Variants in DLK1 observed in about 807,000 individuals in gnomAD.
The protein encoded by DLK1 is delta like non-canonical Notch ligand 1.
DLK1 carries 9 observed loss-of-function variants against 35.2 expected under a neutral mutation model. The ratio of observed to expected loss-of-function variants is 0.26; its 90% CI spans 0.15 to 0.45. The LOEUF is 0.45. DLK1 is among the 20% of genes least tolerant of loss of function. The probability of loss-of-function intolerance (pLI) is 1.00; values close to 1 mark genes in which losing one functional copy is unlikely to be tolerated. For missense variants in DLK1, 522 were observed against 528.5 expected, an observed-to-expected ratio of 0.99 and a Z score of 0.12; for synonymous variants, 231 against 228.4, an observed-to-expected ratio of 1.01 and a Z score of -0.10.
chr14:100,728,296 G>C lies in DLK1; in HGVS notation c.68-100G>C, dbSNP rs1411420358. The C allele has an allele frequency of 2.3e-6, 3 of 1,311,662 alleles. No homozygotes were observed. In the African/African-American group the frequency reaches 4.3e-5, roughly 19 times the overall value. The allele number at this position is 1,311,662 out of a possible 1,614,324, so 81.3% of individuals were successfully genotyped here. A position where few individuals can be genotyped will look rare whatever the true frequency, so the allele number is the denominator to read the frequency against. On this transcript the variant is annotated intron_variant, in intron 1 of 4. Coordinates refer to ENST00000341267, the MANE Select transcript of DLK1 (RefSeq NM_003836.7). ...GCTGGTAGGACCCAAGAGGGCTGTTGGTGCCCTCGAGGGCAGTGGTGGGCT... is the reference window on the plus strand; with the variant it reads ...GCTGGTAGGACCCAAGAGGGCTGTTCGTGCCCTCGAGGGCAGTGGTGGGCT...
At chr14:100,732,575 C>G (rs1387306105) in intron 4 of DLK1, among the ~76,000 whole-genome samples, 2 of 152,166 alleles carry the variant, frequency 1.3e-5, no homozygotes, top group Admixed American at 1.3e-4. Flanking sequence ...TTTTGGGGAA[C>G]TGGTGGGCTC....
chr14:100,733,097 C>T (rs187501651), intron 4 of DLK1, among the ~76,000 whole-genome samples: 27 of 152,318 alleles, frequency 1.8e-4, no homozygotes, highest in African/African-American at 6.3e-4. Context: ...AGTCTTCAGA[C>T]GGGGTCAGAG....
chr14:100,729,168 C>G (rs2036477750), intron 3 of DLK1, 102 bp downstream of exon 3: 2 of 1,567,236 alleles, frequency 1.3e-6, no homozygotes, highest in African/African-American at 2.7e-5. Context: ...TCCTCACTTC[C>G]TCATTCCTGC....
chr14:100,728,994 C>T lies in DLK1; in HGVS notation c.190C>T (p.Leu64Phe). ...CCAGTGCGTGACCTCTCCCGGCTGCCTTCACGGACTCTGTGGAGAACCCGG... is the reference window on the plus strand; with the variant it reads ...CCAGTGCGTGACCTCTCCCGGCTGCTTTCACGGACTCTGTGGAGAACCCGG... ...CDQCVTSPGC[L>F]HGLCGEPGQC... The change falls in exon 3 of 5, where the codon CTT (leucine) becomes TTT (phenylalanine). Residue 64 changes from leucine to phenylalanine, a missense_variant. Coordinates refer to ENST00000341267, the MANE Select transcript of DLK1 (RefSeq NM_003836.7). The T allele has an allele frequency of 6.2e-7, 1 of 1,614,130 alleles. No individual in the cohort carries two copies. The highest frequency in any genetic ancestry group is 8.5e-7 in the Non-Finnish European group (1 of 1,180,042).
At chr14:100,729,315 G>C (rs2036480348) in intron 3 of DLK1, 2 of 683,688 alleles carry the variant, frequency 2.9e-6, no homozygotes, top group Non-Finnish European at 5.2e-6. Flanking sequence ...ATGGCGTGGG[G>C]GCCAGGGAGC....
At position 100,734,112 on chromosome 14, in the gene DLK1, C is replaced by T. The variant is rs1334348691; in HGVS notation, c.405-37C>T. 6.4e-7 allele frequency: 1 copy of T among 1,561,810 alleles called. No individual in the cohort carries two copies. The highest frequency in any genetic ancestry group is 1.2e-5 in the South Asian group (1 of 82,092). ...CCCTGCAGCGCTGTTGTAGCCTAGC[C>T]CCTGAGGCCGTTTACTATGTCCCTG... On this transcript the variant is annotated intron_variant, in intron 4 of 4. Coordinates refer to ENST00000341267, the MANE Select transcript of DLK1 (RefSeq NM_003836.7). This position sits in a 1 kb window ranked among gnomAD's most constrained non-coding sequence, Gnocchi z 7.4.
rs770845459 is a variant in DLK1 at position 100,729,036 on chromosome 14, G to A, written c.232G>A (p.Asp78Asn). The change falls in exon 3 of 5, where the codon GAC becomes AAC. Residue 78 changes from aspartate (D) to asparagine (N), a missense_variant. Coordinates refer to ENST00000341267, the MANE Select transcript of DLK1 (RefSeq NM_003836.7). The part of the protein sequence containing the change: ...CGEPGQCICT[D>N]GWDGELCDRD... ...AGAACCCGGGCAGTGCATTTGCACCGACGGCTGGGACGGGGAGCTCTGTGA... is the reference window on the plus strand; with the variant it reads ...AGAACCCGGGCAGTGCATTTGCACCAACGGCTGGGACGGGGAGCTCTGTGA... 5 of 1,613,964 alleles carry A rather than the reference G, an allele frequency of 3.1e-6. No homozygotes were observed. Among genetic ancestry groups the A allele is most frequent in the Admixed American group, 3.3e-5 (2 of 60,032 alleles).
Position 100,734,685 on chromosome 14 carries a change from C to G in DLK1, c.941C>G (p.Thr314Ser). ...AICFTILGVLTSLVVLGTVGI... is the reference protein window; with the variant it reads ...AICFTILGVLSSLVVLGTVGI... ...TGCTTCACCATCCTGGGCGTGCTCA[C>G]CAGCCTGGTGGTGCTGGGCACTGTG... Residue 314 changes from threonine to serine, a missense_variant, in exon 5 of 5, where the codon ACC (threonine) becomes AGC (serine). Physicochemically the swap from Thr to Ser is moderately conservative, Grantham distance 58. Transcript: ENST00000341267. This position sits in a 1 kb window ranked among gnomAD's most constrained non-coding sequence, Gnocchi z 7.4. 4 of 1,614,096 alleles carry G rather than the reference C, an allele frequency of 2.5e-6. No individual in the cohort carries two copies. The highest frequency in any genetic ancestry group is 3.4e-6 in the Non-Finnish European group (4 of 1,180,040).
chr14:100,729,507 G>T (rs546673513), intron 3 of DLK1, among the ~76,000 whole-genome samples: 2 of 152,074 alleles, frequency 1.3e-5, no homozygotes, highest in South Asian at 4.2e-4. Context: ...AACAAACGGG[G>T]TGGGGGGTGG....
intron 4 of DLK1, among the ~76,000 whole-genome samples, chr14:100,732,468 G>A (rs2036521604): frequency 6.6e-6 from 1 of 152,224 alleles, no homozygotes; most frequent in Non-Finnish European, 1.5e-5. Flanking sequence ...CTGACACTCG[G>A]AGCTGCGTAA....
Position 100,734,492 on chromosome 14 carries a change from C to A in DLK1, c.748C>A (p.Leu250Met), listed in dbSNP as rs747792704. The A allele has an allele frequency of 6.2e-7, 1 of 1,611,298 alleles. No homozygotes were observed. The highest frequency in any genetic ancestry group is 2.2e-5 in the East Asian group (1 of 44,812). The change falls in exon 5 of 5, where the codon CTG becomes ATG. Residue 250 changes from leucine (L) to methionine (M), a missense_variant. By Grantham distance (15) the Leu-to-Met change is conservative. Coordinates refer to ENST00000341267, the MANE Select transcript of DLK1 (RefSeq NM_003836.7). This position sits in a 1 kb window ranked among gnomAD's most constrained non-coding sequence, Gnocchi z 7.4. The stretch of plus-strand genomic sequence containing the variant: ...TCTCACCTGTGTCAAGAAGCGCGCG[C>A]TGAGCCCCCAGCAGGTCACCCGTCT... ...TGLTCVKKRA[L>M]SPQQVTRLPS... is the part of the protein sequence containing the mutation.
At chr14:100,733,225 A>G (rs551370963) in intron 4 of DLK1, among the ~76,000 whole-genome samples, 3 of 152,328 alleles carry the variant, frequency 2.0e-5, no homozygotes, top group Admixed American at 6.5e-5. Context: ...GTGTGTCAAA[A>G]TAGAGCCTAA....
rs1456562514 is a variant in DLK1, at chr14:100,734,016, C to T, written c.405-133C>T. On this transcript the variant is annotated intron_variant, in intron 4 of 4. Coordinates refer to ENST00000341267, the MANE Select transcript of DLK1 (RefSeq NM_003836.7). The surrounding 1 kb of genome is among the most constrained non-coding windows in gnomAD (Gnocchi z 7.4). ...TGGCTGGCGTTCCCTCCCTCGCTCC[C>T]TCATTCACCTGATGTGTTTTAAGCA... 8.3e-7 allele frequency: 1 copy of T among 1,204,116 alleles called. No homozygotes were observed. The highest frequency in any genetic ancestry group is 1.6e-5 in the African/African-American group (1 of 63,936). The allele number at this position is 1,204,116 out of a possible 1,614,324, so 74.6% of individuals were successfully genotyped here. A position where few individuals can be genotyped will look rare whatever the true frequency, so the allele number is the denominator to read the frequency against.
chr14:100,728,319 G>A (rs528252372), intron 1 of DLK1, 77 bp from the exon 2 acceptor site: 4 of 1,543,328 alleles, frequency 2.6e-6, no homozygotes, highest in African/African-American at 1.4e-5. Flanking sequence ...GCAGTGGTGG[G>A]CTGTGTGGGC....
intron 2 of DLK1, 175 bp downstream of exon 2, chr14:100,728,634 G>A (rs1156902609): frequency 9.5e-6 from 2 of 209,584 alleles, no homozygotes; most frequent in Non-Finnish European, 1.9e-5. Context: ...CGGGGGGGGG[G>A]CAGCCACAGC....
intron 3 of DLK1, among the ~76,000 whole-genome samples, chr14:100,730,632 G>A (rs2036496244): frequency 6.6e-6 from 1 of 152,242 alleles, no homozygotes; most frequent in African/African-American, 2.4e-5. Context: ...GCATAGCAGG[G>A]AGAGCTGCAG....
intron 4 of DLK1, among the ~76,000 whole-genome samples, chr14:100,732,427 C>A (rs999521562): frequency 6.6e-6 from 1 of 152,206 alleles, no homozygotes; most frequent in Admixed American, 6.5e-5. Flanking sequence ...AGTCCCGATG[C>A]GTGTGAGTGA....
In DLK1 at chr14:100,735,018, C is replaced by T. The variant is rs1415228840; in HGVS notation, c.*122C>T. ...TCAAATCTGGTGAACGCTACGCTTA[C>T]ATATATTGTCTTTGTGCTGCTGTGT... On this transcript the variant is annotated 3_prime_UTR_variant, in exon 5 of 5. Coordinates refer to ENST00000341267, the MANE Select transcript of DLK1 (RefSeq NM_003836.7). 1.5e-6 allele frequency: 2 copies of T among 1,343,242 alleles called. No homozygotes were observed. The highest frequency in any genetic ancestry group is 4.7e-5 in the East Asian group (2 of 42,252). The allele number at this position is 1,343,242 out of a possible 1,614,324, so 83.2% of individuals were successfully genotyped here.
At chr14:100,728,491 A>G (rs1359080436) in intron 2 of DLK1, 32 bp downstream of exon 2, 5 of 1,610,618 alleles carry the variant, frequency 3.1e-6, no homozygotes, top group Non-Finnish European at 3.4e-6. Flanking sequence ...GGCAGCTTGT[A>G]GGGGCCACGC....
Sources: allele counts gnomAD v4.1 joint callset (sites outside exome capture counted in the v4.1 genomes callset), GRCh38; gene constraint gnomAD v4.1.1; non-coding constraint Gnocchi (gnomAD v3.1); transcripts MANE v1.5; gene names NCBI Gene and HGNC (gene_info 2026-07-23, HGNC 2026-07-21).